The following CNGB3 variants were observed in gnomAD, a reference collection of about 807,000 sequenced individuals.
The protein encoded by CNGB3 is cyclic nucleotide-gated channel beta-3.
Under a neutral mutation model 92.8 loss-of-function variants are expected in CNGB3, and 86 were observed. The observed-to-expected ratio is 0.93, with a 90% CI of 0.78 to 1.11. CNGB3 has a LOEUF of 1.11. CNGB3 is among the 50% of genes least tolerant of loss of function. CNGB3 has a pLI of 0.00. For missense variants in CNGB3, 1,026 were observed against 956.8 expected, an observed-to-expected ratio of 1.07 and a Z score of -0.95; for synonymous variants, 333 against 332.7, an observed-to-expected ratio of 1.00 and a Z score of -0.01.
intron 12 of CNGB3, among the ~76,000 whole-genome samples, chr8:86,627,366 A>G (rs1362816597): frequency 1.3e-5 from 2 of 152,132 alleles, no homozygotes; most frequent in Non-Finnish European, 2.9e-5. Flanking sequence ...AAGTAGCTGC[A>G]GATGTTCTAG....
chr8:86,683,338 A>G (rs1385343367), intron 3 of CNGB3, among the ~76,000 whole-genome samples: 1 of 152,136 alleles, frequency 6.6e-6, no homozygotes, highest in Non-Finnish European at 1.5e-5. Flanking sequence ...GAGCCAAACT[A>G]AGCATATCCA....
chr8:86,591,341 G>A lies in CNGB3; in HGVS notation c.1782-12089C>T, dbSNP rs559620369. On this transcript the variant is annotated intron_variant, in intron 15 of 17. Coordinates refer to ENST00000320005, the MANE Select transcript of CNGB3 (RefSeq NM_019098.5). Reference sequence around the variant, plus strand: ...GTCTGAAGCCTTCTTCTCTCAGCTCGTCAAAGTCATTCTCCGTCCAGCTTT... The same window carrying A: ...GTCTGAAGCCTTCTTCTCTCAGCTCATCAAAGTCATTCTCCGTCCAGCTTT... Among the ~76,000 whole-genome samples the A allele has an allele frequency of 1.8e-3, 66 of 36,322 alleles. 1 individual carries two copies. Among genetic ancestry groups the A allele is most frequent in the African/African-American group, 4.4e-3 (52 of 11,804 alleles). The allele number at this position is 36,322 out of a possible 152,430, so 23.8% of individuals were successfully genotyped here.
At chr8:86,737,484 C>A (rs1372007844) in intron 2 of CNGB3, among the ~76,000 whole-genome samples, 1 of 152,012 alleles carries the variant, frequency 6.6e-6, no homozygotes, top group Non-Finnish European at 1.5e-5. Context: ...TTGTTCAGAG[C>A]GGTCCTTTTT....
intron 15 of CNGB3, among the ~76,000 whole-genome samples, 188 bp from the exon 16 acceptor site, chr8:86,579,440 T>C (rs565319678): frequency 9.9e-5 from 15 of 152,208 alleles, no homozygotes; most frequent in Non-Finnish European, 2.2e-4. Context: ...TTTCAATATA[T>C]TTTTTCTCTA....
chr8:86,575,705 G>T lies in CNGB3; in HGVS notation c.*99C>A. 9.3e-7 allele frequency: 1 copy of T among 1,070,100 alleles called. No individual in the cohort carries two copies. The highest frequency in any genetic ancestry group is 1.4e-6 in the Non-Finnish European group (1 of 725,616). 66.3% of individuals were successfully genotyped at this position (1,070,100 alleles called of 1,614,324 possible). On this transcript the variant is annotated 3_prime_UTR_variant, in exon 18 of 18. Coordinates refer to ENST00000320005, the MANE Select transcript of CNGB3 (RefSeq NM_019098.5). Reference sequence around the variant, plus strand: ...TAGGGATTTGCCTTTCGTTTCTCAAGGGTCCCAGCATGTCGTTTCCCCTCG... The same window carrying T: ...TAGGGATTTGCCTTTCGTTTCTCAATGGTCCCAGCATGTCGTTTCCCCTCG...
rs1585941226 is a variant in CNGB3 at position 86,576,078 on chromosome 8, T to A, written c.2156A>T (p.Lys719Ile). 1.2e-6 allele frequency: 2 copies of A among 1,603,312 alleles called. No individual in the cohort carries two copies. The highest frequency in any genetic ancestry group is 1.7e-5 in the Admixed American group (1 of 59,076). ...GEEEGKENED[K>I]QKENEDKQKE... Reference sequence around the variant, plus strand: ...TTGTTTATCTTCATTTTCTTTTTGTTTATCTTCATTTTCTTTTCCTTCTTC... The same window carrying A: ...TTGTTTATCTTCATTTTCTTTTTGTATATCTTCATTTTCTTTTCCTTCTTC... The change falls in exon 18 of 18, where the codon AAA becomes ATA. Residue 719 changes from lysine (K) to isoleucine (I), a missense_variant. Transcript: ENST00000320005.
rs1420858510 is a variant in CNGB3, at chr8:86,590,534, G to A, written c.1782-11282C>T. 2.0e-5 allele frequency among the ~76,000 whole-genome samples: 3 copies of A among 151,928 alleles called. No individual in the cohort carries two copies. The East Asian group carries it at 5.8e-4, about 29-fold the overall frequency. ...TCAGGAGCTCTTTTAGGGCAGGCCT[G>A]GTGGTGACAAAATCTCTCAGCATTT... On this transcript the variant is annotated intron_variant, in intron 15 of 17. Transcript: ENST00000320005.
intron 1 of CNGB3, among the ~76,000 whole-genome samples, chr8:86,741,273 C>T (rs1238154853): frequency 6.6e-6 from 1 of 152,168 alleles, no homozygotes; most frequent in Non-Finnish European, 1.5e-5. Context: ...TCATTTTTAA[C>T]ATTTAGCATA....
At chr8:86,626,144 A>G in intron 12 of CNGB3, 64 bp from the exon 13 acceptor site, 1 of 1,287,816 alleles carries the variant, frequency 7.8e-7, no homozygotes. Context: ...TCACCAAGGT[A>G]CAAGTAGAAA....
At chr8:86,619,728 C>CTTTTTTTTTTTTTT (rs71275868) in intron 13 of CNGB3, among the ~76,000 whole-genome samples, 1 of 73,406 alleles carries the variant, frequency 1.4e-5, no homozygotes, top group Admixed American at 2.2e-4. Context: ...TGGTCTTGAC[C>CTTTTTTTTTTTTTT]TTTTTTTTTT....
At position 86,578,541 on chromosome 8, in the gene CNGB3, A is replaced by C; in HGVS notation, c.2103+148T>G. On this transcript the variant is annotated intron_variant, in intron 17 of 17. Transcript: ENST00000320005. The stretch of plus-strand genomic sequence containing the variant: ...TGGGAATTCAGCAGTTTAAATAATA[A>C]TGTGCTATATATAAAGCAGGAAGTA... The C allele has an allele frequency of 7.7e-6, 6 of 782,588 alleles. No individual in the cohort carries two copies. The South Asian group carries it at 8.6e-5, about 11-fold the overall frequency. The allele number at this position is 782,588 out of a possible 1,614,324, so 48.5% of individuals were successfully genotyped here.
chr8:86,612,071 T>C (rs1461956755), intron 13 of CNGB3, among the ~76,000 whole-genome samples: 1 of 152,200 alleles, frequency 6.6e-6, no homozygotes, highest in Non-Finnish European at 1.5e-5. Flanking sequence ...GATCAAAATC[T>C]TTGCTAGATA....
At chr8:86,621,200 GTTAC>G (rs1458910015) in intron 13 of CNGB3, among the ~76,000 whole-genome samples, 1 of 152,120 alleles carries the variant, frequency 6.6e-6, no homozygotes, top group Non-Finnish European at 1.5e-5. Context: ...TTAGAAAAGA[GTTAC>G]TTACTGTCAC....
At chr8:86,581,913 G>C (rs577064782) in intron 15 of CNGB3, among the ~76,000 whole-genome samples, 1 of 152,046 alleles carries the variant, frequency 6.6e-6, no homozygotes, top group African/African-American at 2.4e-5. Flanking sequence ...AACACAGCCC[G>C]AGTCCTAGCC....
intron 15 of CNGB3, among the ~76,000 whole-genome samples, chr8:86,583,921 CA>C (rs71574285): frequency 0.03 from 1,813 of 61,048 alleles, 6 homozygotes; most frequent in Non-Finnish European, 0.036. Flanking sequence ...GACCTTGTCT[CA>C]AAAAAAAAAA....
intron 17 of CNGB3, 57 bp downstream of exon 17, chr8:86,578,632 A>G: frequency 1.3e-6 from 2 of 1,532,322 alleles, no homozygotes; most frequent in Non-Finnish European, 1.8e-6. Context: ...GTTTGTGTGT[A>G]TATACTTAGT....
chr8:86,673,952 C>G (rs1823915602), intron 3 of CNGB3, among the ~76,000 whole-genome samples: 1 of 152,162 alleles, frequency 6.6e-6, no homozygotes, highest in Non-Finnish European at 1.5e-5. Context: ...ATGTGTATAA[C>G]ACCATCATAG....
intron 2 of CNGB3, among the ~76,000 whole-genome samples, chr8:86,732,938 A>T (rs190104553): frequency 2.4e-3 from 367 of 152,294 alleles, no homozygotes; most frequent in Middle Eastern, 6.8e-3. Context: ...TGTTTGTTAC[A>T]TGGGTATACT....
chr8:86,671,206 C>T, intron 3 of CNGB3, 108 bp from the exon 4 acceptor site: 1 of 1,273,534 alleles, frequency 7.9e-7, no homozygotes, highest in Non-Finnish European at 1.1e-6. Context: ...ATTAACTTCC[C>T]CTTTTTTGCA....
Sources: gnomAD v4.1 joint callset for allele counts (sites outside exome capture counted in the v4.1 genomes callset) on GRCh38, gnomAD v4.1.1 for gene constraint, MANE v1.5 for transcripts, NCBI Gene and HGNC (gene_info 2026-07-23, HGNC 2026-07-21) for gene names.